The following ATXN2 variants were observed in gnomAD, a reference collection of about 807,000 sequenced individuals.
The protein encoded by ATXN2 is ataxin 2, also known as ataxin-2.
ATXN2 carries 37 observed loss-of-function variants against 138.6 expected under a neutral mutation model. The ratio of observed to expected loss-of-function variants is 0.27; its 90% confidence interval spans 0.21 to 0.35. The LOEUF (loss-of-function observed/expected upper bound fraction) is 0.35. Ranked by LOEUF, ATXN2 falls within the 10% of genes least tolerant of loss-of-function variation. The probability of loss-of-function intolerance (pLI) is 1.00; values close to 1 mark genes in which losing one functional copy is unlikely to be tolerated. For synonymous variants in ATXN2, 549 were observed against 543.7 expected (o/e 1.01, Z -0.13); for missense variants, 1,216 against 1,480.3 (o/e 0.82, Z 2.93).
At chr12:111,513,744 A>G (rs916814738) in intron 10 of ATXN2, among the ~76,000 whole-genome samples, 1 of 151,778 alleles carries the variant, frequency 6.6e-6, no homozygotes, top group Non-Finnish European at 1.5e-5. Context: ...GGAATGCCAC[A>G]AAGTTTTATA....
chr12:111,509,823 T>C (rs1879395117), intron 13 of ATXN2, 68 bp downstream of exon 13: 3 of 1,221,596 alleles, frequency 2.5e-6, no homozygotes, highest in Non-Finnish European at 3.6e-6. Flanking sequence ...ATATTCTGTA[T>C]GGGCATGAAA....
rs181988691 is a variant in ATXN2 at position 111,579,355 on chromosome 12, C to T, written c.251+19429G>A. Among the ~76,000 whole-genome samples, 526 of 151,870 alleles carry T rather than the reference C, an allele frequency of 3.5e-3. 2 individuals are homozygous for T. Among genetic ancestry groups the T allele is most frequent in the African/African-American group, 0.012 (495 of 41,428 alleles). ...TTGGCTCACCACAACCTCTGCCTCC[C>T]GGGTTCAAGCGATTCTCCTGCCTCA... is the stretch of plus-strand genomic sequence containing the variant. On this transcript the variant is annotated intron_variant, in intron 1 of 24. Transcript: ENST00000673436.
In ATXN2 at chr12:111,472,508, G is replaced by C. The variant is rs546420121; in HGVS notation, c.2525-1766C>G. The stretch of plus-strand genomic sequence containing the variant: ...CCTGGGTTACACTAACATTAAAAAA[G>C]AACCTACCTAAGGCATACACTGAAA... On this transcript the variant is annotated intron_variant, in intron 18 of 24. Transcript: ENST00000673436. Among the ~76,000 whole-genome samples the C allele has an allele frequency of 2.0e-5, 3 of 152,114 alleles. No individual in the cohort carries two copies. In the East Asian group the frequency reaches 5.8e-4, roughly 29 times the overall value.
intron 5 of ATXN2, among the ~76,000 whole-genome samples, chr12:111,531,222 G>C (rs1880814333): frequency 6.6e-6 from 1 of 151,902 alleles, no homozygotes; most frequent in Non-Finnish European, 1.5e-5. Context: ...AGACCATCCT[G>C]GCCAACATGG....
At chr12:111,562,253 G>A (rs1882732816) in intron 1 of ATXN2, among the ~76,000 whole-genome samples, 2 of 151,918 alleles carry the variant, frequency 1.3e-5, no homozygotes, top group Non-Finnish European at 2.9e-5. Flanking sequence ...GAGCAACTTC[G>A]CAAGACCCCA....
intron 14 of ATXN2, among the ~76,000 whole-genome samples, 161 bp from the exon 15 acceptor site, chr12:111,488,941 A>T (rs1877827070): frequency 2.0e-5 from 3 of 152,218 alleles, no homozygotes; most frequent in Admixed American, 2.0e-4. Context: ...AACTAACAAT[A>T]ACAGAGTACC....
Position 111,488,758 on chromosome 12 carries a change from T to C in ATXN2, c.1958A>G (p.Glu653Gly), listed in dbSNP as rs145903862. 1.4e-4 allele frequency: 232 copies of C among 1,608,144 alleles called. No individual in the cohort carries two copies. The African/African-American group carries it at 2.8e-3, about 19-fold the overall frequency. ...DFRLQPSSTS[E>G]SMDQLLNKNR... Reference sequence around the variant, plus strand: ...TTTGTTTAGTAGTTGATCCATAGATTCAGAAGTAGAACTTGGCTGTAACTA... The same window carrying C: ...TTTGTTTAGTAGTTGATCCATAGATCCAGAAGTAGAACTTGGCTGTAACTA... The change falls in exon 15 of 25, where the codon GAA becomes GGA. Residue 653 changes from glutamate to glycine, a missense_variant. Glu to Gly is a moderately conservative substitution (Grantham distance 98). Transcript: ENST00000673436.
At chr12:111,475,831 G>T (rs1438647203) in intron 18 of ATXN2, among the ~76,000 whole-genome samples, 1 of 152,070 alleles carries the variant, frequency 6.6e-6, no homozygotes, top group African/African-American at 2.4e-5. Context: ...GTGAAGCAGA[G>T]TGAAAAATCC....
chr12:111,455,401 G>A (rs1354549897), intron 23 of ATXN2: 2 of 407,032 alleles, frequency 4.9e-6, no homozygotes, highest in African/African-American at 4.0e-5. Flanking sequence ...AGCTTACACT[G>A]GAGGTGAGCT....
At chr12:111,543,145 TG>T (rs1881616837) in intron 5 of ATXN2, among the ~76,000 whole-genome samples, 1 of 152,154 alleles carries the variant, frequency 6.6e-6, no homozygotes, top group South Asian at 2.1e-4. Flanking sequence ...CCTCAATAAG[TG>T]CCACTCTCCA....
At chr12:111,493,781 A>T (rs1878211238) in intron 14 of ATXN2, among the ~76,000 whole-genome samples, 1 of 151,440 alleles carries the variant, frequency 6.6e-6, no homozygotes, top group South Asian at 2.1e-4. Context: ...GGTGCGTGCC[A>T]CCACGCCTGG....
At position 111,462,967 on chromosome 12, in the gene ATXN2, T is replaced by TAC. The variant is rs201459505; in HGVS notation, c.2896+1694_2896+1695insGT. ...TAAATTATATATACACACATACATA[T>TAC]ATATATATATACACACACACACACA... On this transcript the variant is annotated intron_variant, in intron 21 of 24. Coordinates refer to ENST00000673436, the MANE Select transcript of ATXN2 (RefSeq NM_001372574.1). Among the ~76,000 whole-genome samples, 746 of 134,666 alleles carry TAC rather than the reference T, an allele frequency of 5.5e-3. 5 individuals carry two copies. Among genetic ancestry groups the TAC allele is most frequent in the African/African-American group, 0.021 (706 of 34,434 alleles). The allele number at this position is 134,666 out of a possible 152,430, so 88.3% of individuals were successfully genotyped here. A position where few individuals can be genotyped will look rare whatever the true frequency, so the allele number is the denominator to read the frequency against.
rs1184011091 is a variant in ATXN2 at position 111,513,544 on chromosome 12, G to A, written c.1376-5C>T. On this transcript the variant is annotated splice_region_variant and splice_polypyrimidine_tract_variant and intron_variant, in intron 10 of 24. Coordinates refer to ENST00000673436, the MANE Select transcript of ATXN2 (RefSeq NM_001372574.1). ...TTGGGGACATCCTTGGAGGCCCTAA[G>A]GAAGAAACAGTGAACATCACATAAA... is the stretch of plus-strand genomic sequence containing the variant. The A allele has an allele frequency of 4.4e-6, 7 of 1,606,286 alleles. No individual in the cohort carries two copies. In the African/African-American group the frequency reaches 6.7e-5, roughly 15 times the overall value.
chr12:111,543,122 G>A (rs1397124597), intron 5 of ATXN2, among the ~76,000 whole-genome samples: 3 of 151,918 alleles, frequency 2.0e-5, no homozygotes, highest in Admixed American at 6.6e-5. Context: ...TCTCTGTACT[G>A]CCTCCATACT....
At chr12:111,494,296 C>T (rs1325807507) in intron 14 of ATXN2, among the ~76,000 whole-genome samples, 2 of 152,128 alleles carry the variant, frequency 1.3e-5, no homozygotes, top group African/African-American at 4.8e-5. Context: ...AGTTAAAAAG[C>T]GGGCAGATGA....
intron 15 of ATXN2, among the ~76,000 whole-genome samples, chr12:111,487,744 C>G (rs1258299362): frequency 6.6e-6 from 1 of 152,072 alleles, no homozygotes; most frequent in African/African-American, 2.4e-5. Context: ...TAGGTATGAG[C>G]TACCAGTCAA....
chr12:111,593,455 T>C (rs1884782089), intron 1 of ATXN2, among the ~76,000 whole-genome samples: 1 of 152,060 alleles, frequency 6.6e-6, no homozygotes, highest in African/African-American at 2.4e-5. Flanking sequence ...TGAGTTAACA[T>C]CCCTTATGTA....
intron 18 of ATXN2, among the ~76,000 whole-genome samples, chr12:111,483,194 TACACACACACAC>T (rs59840296): frequency 1.9e-3 from 182 of 95,430 alleles, no homozygotes; most frequent in Middle Eastern, 4.8e-3. Context: ...ATCAAACACA[TACACACACACAC>T]ACACACACAC....
Position 111,598,941 on chromosome 12 carries a change from CGGG to C in ATXN2, c.91_93del (p.Pro31del). On this transcript the variant is annotated inframe_deletion, in exon 1 of 25. Transcript: ENST00000673436. The surrounding 1 kb of genome is among the most constrained non-coding windows in gnomAD (Gnocchi z 4.5). ...CCGGGCTTGCGGACATTGGCAGCCGCGGGCGGCGGCTGCTGCTGCTGCTGCTGC... is the reference window on the plus strand; with the variant it reads ...CCGGGCTTGCGGACATTGGCAGCCGCCGGCGGCTGCTGCTGCTGCTGCTGC... The C allele has an allele frequency of 1.3e-6, 2 of 1,506,890 alleles. No homozygotes were observed. The highest frequency in any genetic ancestry group is 1.8e-6 in the Non-Finnish European group (2 of 1,132,876). 93.3% of individuals were successfully genotyped at this position (1,506,890 alleles called of 1,614,324 possible).
Sources: gnomAD v4.1 joint callset for allele counts (sites outside exome capture counted in the v4.1 genomes callset) on GRCh38, gnomAD v4.1.1 for gene constraint, Gnocchi (gnomAD v3.1) non-coding constraint, MANE v1.5 for transcripts, NCBI Gene and HGNC (gene_info 2026-07-23, HGNC 2026-07-21) for gene names.